The following ANKRD31 variants were observed in gnomAD, a reference collection of about 807,000 sequenced individuals.
ANKRD31 encodes ankyrin repeat domain 31.
A neutral mutation model predicts 186.0 loss-of-function variants in ANKRD31; 147 were observed. The ratio of observed to expected loss-of-function variants is 0.79; its 90% CI spans 0.69 to 0.91. The LOEUF (loss-of-function observed/expected upper bound fraction) is 0.91. Among genes scored for constraint, ANKRD31 ranks in the 40% least tolerant of loss-of-function variants. The pLI is 0.00. For synonymous variants in ANKRD31, 673 were observed against 736.4 expected (o/e 0.91, Z 1.39); for missense variants, 1,986 against 2,148.8 (o/e 0.92, Z 1.50).
chr5:75,142,116 CATT>C (rs996961133), intron 15 of ANKRD31, among the ~76,000 whole-genome samples: 1 of 152,040 alleles, frequency 6.6e-6, no homozygotes, highest in Non-Finnish European at 1.5e-5. Flanking sequence ...GATTTCTCTC[CATT>C]ATGTGACCAG....
At chr5:75,218,524 G>C (rs1295056869) in intron 3 of ANKRD31, among the ~76,000 whole-genome samples, 1 of 152,058 alleles carries the variant, frequency 6.6e-6, no homozygotes, top group East Asian at 1.9e-4. Flanking sequence ...GTACAAAGAA[G>C]AGCTGGTGCC....
chr5:75,146,355 TGTGTCAAAA>T lies in ANKRD31; in HGVS notation c.3047_3055del (p.Leu1016_Thr1018del). On this transcript the variant is annotated inframe_deletion, in exon 14 of 26. Transcript: ENST00000506364. ...ATGATTAGTCAACTTTGAAGCCTCA[TGTGTCAAAA>T]GTGTTCTCATACAAGCCAGGGAATT... is the stretch of plus-strand genomic sequence containing the variant. The T allele has an allele frequency of 6.5e-7, 1 of 1,536,624 alleles. No individual in the cohort carries two copies. The highest frequency in any genetic ancestry group is 1.4e-5 in the African/African-American group (1 of 73,128).
At chr5:75,080,042 G>A (rs1301877229) in intron 25 of ANKRD31, among the ~76,000 whole-genome samples, 1 of 152,012 alleles carries the variant, frequency 6.6e-6, no homozygotes, top group Non-Finnish European at 1.5e-5. Context: ...AGGCTGCAAT[G>A]AGCCGAGATC....
At chr5:75,116,242 C>G (rs1468853500) in intron 19 of ANKRD31, among the ~76,000 whole-genome samples, 3,568 of 121,226 alleles carry the variant, frequency 0.029, 164 homozygotes, top group African/African-American at 0.11. Flanking sequence ...GGGAACATCA[C>G]ACTCTGGGGA....
intron 17 of ANKRD31, among the ~76,000 whole-genome samples, chr5:75,128,819 G>A (rs1749480139): frequency 6.6e-6 from 1 of 151,976 alleles, no homozygotes; most frequent in Non-Finnish European, 1.5e-5. Flanking sequence ...TGGCCAAGTG[G>A]TTTCACTTTA....
intron 11 of ANKRD31, among the ~76,000 whole-genome samples, chr5:75,159,648 C>A (rs1752439392): frequency 3.1e-5 from 4 of 127,546 alleles, no homozygotes; most frequent in African/African-American, 9.1e-5. Context: ...TAAATGAAAG[C>A]AAAATAAAGA....
chr5:75,146,400 T>G lies in ANKRD31; in HGVS notation c.3011A>C (p.Asn1004Thr), dbSNP rs1362545447. The G allele has an allele frequency of 8.5e-6, 13 of 1,536,442 alleles. No homozygotes were observed. The highest frequency in any genetic ancestry group is 9.6e-6 in the Non-Finnish European group (11 of 1,146,486). Residue 1004 changes from asparagine to threonine, a missense_variant, in exon 14 of 26, where the codon AAT (asparagine) becomes ACT (threonine). Coordinates refer to ENST00000506364, the MANE Select transcript of ANKRD31 (RefSeq NM_001372053.1). ...ACAAGCCAGGGAATTTTGCTCAGGA[T>G]TGCCATTTGAGTGATCAAAAGAAGG... ...FGPSFDHSNG[N>T]PEQNSLACMR...
chr5:75,226,177 G>A (rs1385749789), intron 2 of ANKRD31, among the ~76,000 whole-genome samples: 1 of 152,196 alleles, frequency 6.6e-6, no homozygotes, highest in Non-Finnish European at 1.5e-5. Context: ...TAAGGTTTTT[G>A]ATTCCCATCT....
Position 75,104,659 on chromosome 5 carries a change from CAT to C in ANKRD31, c.4898_4899del (p.Tyr1633CysfsTer31), listed in dbSNP as rs754004059. 4 of 1,535,916 alleles carry C rather than the reference CAT, an allele frequency of 2.6e-6. No homozygotes were observed. In the South Asian group the frequency reaches 4.8e-5, roughly 18 times the overall value. On this transcript the variant is annotated frameshift_variant, in exon 22 of 26. Transcript: ENST00000506364. LOFTEE classifies it high-confidence loss of function. ...AATTTGCCGATTACTGGGGAAGAAA[CAT>C]AGAATTCATGGTCTTTGTCTGTAGC... ...TEATDKDHEF[Y>X]VSSPVIGKLN...
Position 75,144,116 on chromosome 5 carries a change from C to A in ANKRD31, c.3480G>T (p.Glu1160Asp), listed in dbSNP as rs1031355034. Residue 1160 changes from glutamate (E) to aspartate (D), a missense_variant, in exon 15 of 26, where the codon GAG becomes GAT. Coordinates refer to ENST00000506364, the MANE Select transcript of ANKRD31 (RefSeq NM_001372053.1). ...SGDEITIRNC[E>D]EIKEKTESEI... Reference sequence around the variant, plus strand: ...CTGACTCCGTTTTTTCTTTTATCTCCTCACAATTTCTTATAGTTATTTCAT... The same window carrying A: ...CTGACTCCGTTTTTTCTTTTATCTCATCACAATTTCTTATAGTTATTTCAT... 2.5e-6 allele frequency: 1 copy of A among 397,284 alleles called. No individual in the cohort carries two copies. The highest frequency in any genetic ancestry group is 4.4e-6 in the Non-Finnish European group (1 of 225,328). 24.6% of individuals were successfully genotyped at this position (397,284 alleles called of 1,614,324 possible). A position where few individuals can be genotyped will look rare whatever the true frequency, so the allele number is the denominator to read the frequency against.
chr5:75,177,045 A>G (rs1753866084), intron 10 of ANKRD31, among the ~76,000 whole-genome samples: 1 of 152,176 alleles, frequency 6.6e-6, no homozygotes, highest in Non-Finnish European at 1.5e-5. Context: ...TAAAGGACCT[A>G]ATGGAGCTGG....
chr5:75,146,762 A>G lies in ANKRD31; in HGVS notation c.2649T>C (p.Phe883=). 3 of 1,536,316 alleles carry G rather than the reference A, an allele frequency of 2.0e-6. No individual in the cohort carries two copies. Among genetic ancestry groups the G allele is most frequent in the Non-Finnish European group, 1.7e-6 (2 of 1,146,316 alleles). The change falls in exon 14 of 26, where the codon TTT becomes TTC. Residue 883 remains phenylalanine, a synonymous_variant. Coordinates refer to ENST00000506364, the MANE Select transcript of ANKRD31 (RefSeq NM_001372053.1). ...NSNLVPKDER[F]NKWENSFLSF... ...ATAGGAAAGAATTTTCCCATTTGTT[A>G]AATCTCTCATCTTTTGGGACCAAGT...
intron 24 of ANKRD31, 71 bp from the exon 25 acceptor site, chr5:75,080,710 T>C (rs889431842): frequency 2.3e-6 from 2 of 869,054 alleles, no homozygotes; most frequent in South Asian, 2.2e-5. Context: ...ATCAGGATGA[T>C]GGTCACCCTA....
chr5:75,080,658 G>A lies in ANKRD31; in HGVS notation c.5576-19C>T, dbSNP rs375874932. The stretch of plus-strand genomic sequence containing the variant: ...GCAACTTCTGAAAGTGAAACAAAAC[G>A]TTAGTAATAATTTTGCTGAATTAGG... On this transcript the variant is annotated intron_variant, in intron 24 of 25. Coordinates refer to ENST00000506364, the MANE Select transcript of ANKRD31 (RefSeq NM_001372053.1). 2.3e-5 allele frequency: 35 copies of A among 1,514,512 alleles called. No homozygotes were observed. Among genetic ancestry groups the A allele is most frequent in the African/African-American group, 2.8e-5 (2 of 72,198 alleles). The allele number at this position is 1,514,512 out of a possible 1,614,324, so 93.8% of individuals were successfully genotyped here. A position where few individuals can be genotyped will look rare whatever the true frequency, so the allele number is the denominator to read the frequency against.
intron 5 of ANKRD31, among the ~76,000 whole-genome samples, chr5:75,201,683 T>C (rs1251239690): frequency 6.6e-6 from 1 of 152,188 alleles, no homozygotes; most frequent in Non-Finnish European, 1.5e-5. Context: ...CTCTTGGCCA[T>C]GGGCATACCA....
chr5:75,074,228 T>C (rs1315188044), intron 25 of ANKRD31, among the ~76,000 whole-genome samples: 1 of 152,166 alleles, frequency 6.6e-6, no homozygotes, highest in Non-Finnish European at 1.5e-5. Flanking sequence ...AGGCCACCAA[T>C]AGTTTCTTAC....
chr5:75,082,286 G>T (rs1745142774), intron 24 of ANKRD31, among the ~76,000 whole-genome samples: 1 of 152,158 alleles, frequency 6.6e-6, no homozygotes, highest in African/African-American at 2.4e-5. Flanking sequence ...GCTTGTTATA[G>T]GAAAGGAACA....
intron 17 of ANKRD31, among the ~76,000 whole-genome samples, chr5:75,122,738 A>C (rs1245105139): frequency 1.3e-5 from 2 of 152,178 alleles, no homozygotes. Flanking sequence ...ACATCCCCTC[A>C]TGATAAAAAC....
intron 3 of ANKRD31, 31 bp downstream of exon 3, chr5:75,222,218 T>C (rs1243428221): frequency 7.0e-7 from 1 of 1,419,902 alleles, no homozygotes. Flanking sequence ...CAATTTTTAA[T>C]GAGTATGTAT....
Sources: allele counts gnomAD v4.1 joint callset (sites outside exome capture counted in the v4.1 genomes callset), GRCh38; gene constraint gnomAD v4.1.1; transcripts MANE v1.5; gene names NCBI Gene and HGNC (gene_info 2026-07-23, HGNC 2026-07-21).